Variants in UBE2G2 observed in about 807,000 individuals in gnomAD.
UBE2G2 encodes the protein ubiquitin-conjugating enzyme E2 G2.
Under a neutral mutation model 23.0 loss-of-function variants are expected in UBE2G2, and 10 were observed. The observed-to-expected ratio is 0.43, with a 90% CI of 0.27 to 0.74. The LOEUF is 0.74. Ranked by LOEUF, UBE2G2 falls within the 30% of genes least tolerant of loss-of-function variation. UBE2G2 has a pLI of 0.19. For synonymous variants in UBE2G2, 86 were observed against 81.3 expected (o/e 1.06, Z -0.31); for missense variants, 150 against 218.3 (o/e 0.69, Z 1.97).
Position 44,771,259 on chromosome 21 carries a change from A to C in UBE2G2, c.*118T>G. The C allele has an allele frequency of 1.2e-6, 1 of 828,338 alleles. No individual in the cohort carries two copies. 51.3% of individuals were successfully genotyped at this position (828,338 alleles called of 1,614,324 possible). On this transcript the variant is annotated 3_prime_UTR_variant, in exon 6 of 6. Coordinates refer to ENST00000345496, the MANE Select transcript of UBE2G2 (RefSeq NM_003343.6). The surrounding 1 kb of genome is among the most constrained non-coding windows in gnomAD (Gnocchi z 4.6). ...AGGTTTGAAAAAAAAAAAAGATGCC[A>C]TGGTTCTTGCAAGTCTGCCTTGTTT...
chr21:44,790,829 C>G (rs2083037330), intron 1 of UBE2G2, among the ~76,000 whole-genome samples: 2 of 152,142 alleles, frequency 1.3e-5, no homozygotes, highest in Non-Finnish European at 2.9e-5. Flanking sequence ...ATAAAGATAA[C>G]CTGAAAATGT....
chr21:44,787,020 G>GGA (rs1555962147), intron 3 of UBE2G2, among the ~76,000 whole-genome samples: 1 of 151,796 alleles, frequency 6.6e-6, no homozygotes, highest in East Asian at 1.9e-4. Flanking sequence ...TGAACCCAAG[G>GGA]GGCAGGAGTT....
intron 1 of UBE2G2, 58 bp downstream of exon 1, chr21:44,801,648 C>G: frequency 6.7e-7 from 1 of 1,492,206 alleles, no homozygotes; most frequent in Non-Finnish European, 8.9e-7. Flanking sequence ...CGCCGGACGA[C>G]GCGGGCCCGG....
rs903079102 is a variant in UBE2G2 at position 44,771,825 on chromosome 21, G to A, written c.386-336C>T. ...CTGGGCCACTGCACTTCTGGCACCCGGACAAGCTACACGGGGACCACCTGC... is the reference window on the plus strand; with the variant it reads ...CTGGGCCACTGCACTTCTGGCACCCAGACAAGCTACACGGGGACCACCTGC... On this transcript the variant is annotated intron_variant, in intron 5 of 5. Coordinates refer to ENST00000345496, the MANE Select transcript of UBE2G2 (RefSeq NM_003343.6). This position sits in a 1 kb window ranked among gnomAD's most constrained non-coding sequence, Gnocchi z 4.6. 2.6e-5 allele frequency among the ~76,000 whole-genome samples: 4 copies of A among 152,072 alleles called. No homozygotes were observed. Among genetic ancestry groups the A allele is most frequent in the Admixed American group, 6.6e-5 (1 of 15,262 alleles).
At chr21:44,797,499 G>C (rs1309261165) in intron 1 of UBE2G2, among the ~76,000 whole-genome samples, 1 of 151,830 alleles carries the variant, frequency 6.6e-6, no homozygotes, top group Admixed American at 6.6e-5. Flanking sequence ...GGCGGATCAC[G>C]AGGTCAGGAG....
chr21:44,786,107 G>A (rs1239479592), intron 3 of UBE2G2, among the ~76,000 whole-genome samples: 2 of 151,776 alleles, frequency 1.3e-5, no homozygotes, highest in Admixed American at 6.6e-5. Flanking sequence ...CACGACAGGC[G>A]CCTTCAACCT....
intron 1 of UBE2G2, among the ~76,000 whole-genome samples, chr21:44,795,496 GT>G (rs2083080308): frequency 6.6e-6 from 1 of 152,042 alleles, no homozygotes; most frequent in Admixed American, 6.5e-5. Flanking sequence ...GCTAAGCGAG[GT>G]GGCATGCAAC....
intron 1 of UBE2G2, among the ~76,000 whole-genome samples, chr21:44,793,388 G>A (rs568861420): frequency 6.6e-6 from 1 of 152,188 alleles, no homozygotes; most frequent in Non-Finnish European, 1.5e-5. Flanking sequence ...GGAGGGGAAA[G>A]GGTGGTCTAA....
intron 1 of UBE2G2, among the ~76,000 whole-genome samples, chr21:44,797,080 G>C (rs2083096285): frequency 6.6e-6 from 1 of 152,188 alleles, no homozygotes; most frequent in Non-Finnish European, 1.5e-5. Flanking sequence ...CGAAGTACTA[G>C]AAAGTGCTTG....
intron 1 of UBE2G2, among the ~76,000 whole-genome samples, chr21:44,793,883 G>A (rs1310021741): frequency 1.3e-5 from 2 of 152,108 alleles, no homozygotes; most frequent in East Asian, 3.8e-4. Flanking sequence ...AAATTAAAAA[G>A]AACTTGAGTG....
chr21:44,779,607 C>A (rs1450747292), intron 3 of UBE2G2, among the ~76,000 whole-genome samples: 3 of 152,184 alleles, frequency 2.0e-5, no homozygotes, highest in African/African-American at 7.2e-5. Flanking sequence ...CAAACACATT[C>A]CTGAAGCCCC....
chr21:44,787,109 GAAAGAA>G (rs1569298131), intron 3 of UBE2G2, among the ~76,000 whole-genome samples: 1 of 150,590 alleles, frequency 6.6e-6, no homozygotes, highest in East Asian at 1.9e-4. Flanking sequence ...AAAAAAGAAA[GAAAGAA>G]AAAGAAAAGA....
Position 44,801,478 on chromosome 21 carries a change from G to A in UBE2G2, c.43+228C>T, listed in dbSNP as rs1056141628. 1.3e-5 allele frequency: 14 copies of A among 1,110,464 alleles called. No individual in the cohort carries two copies. The Middle Eastern group carries it at 1.3e-3, about 104-fold the overall frequency. 68.8% of individuals were successfully genotyped at this position (1,110,464 alleles called of 1,614,324 possible). On this transcript the variant is annotated intron_variant, in intron 1 of 5. Transcript: ENST00000345496. Reference sequence around the variant, plus strand: ...TGTGTGTGCTCTCAACTAACACGGCGCCGGCGCTGCCTTTACTGATGCTGG... The same window carrying A: ...TGTGTGTGCTCTCAACTAACACGGCACCGGCGCTGCCTTTACTGATGCTGG...
intron 1 of UBE2G2, among the ~76,000 whole-genome samples, chr21:44,789,927 C>CA (rs1347454981): frequency 6.6e-6 from 1 of 152,040 alleles, no homozygotes; most frequent in African/African-American, 2.4e-5. Flanking sequence ...AAGGAGAAGA[C>CA]AGTCATCTGC....
At chr21:44,783,541 G>A (rs961138434) in intron 3 of UBE2G2, among the ~76,000 whole-genome samples, 3 of 152,234 alleles carry the variant, frequency 2.0e-5, no homozygotes, top group African/African-American at 7.2e-5. Flanking sequence ...AATGGAAAAG[G>A]AAGGAGCTGC....
intron 3 of UBE2G2, among the ~76,000 whole-genome samples, chr21:44,782,307 CTAAA>C (rs2082963266): frequency 6.6e-6 from 1 of 152,044 alleles, no homozygotes; most frequent in African/African-American, 2.4e-5. Context: ...TTTAAAACAC[CTAAA>C]TAAATGGAGA....
chr21:44,795,046 T>C (rs1160779343), intron 1 of UBE2G2, among the ~76,000 whole-genome samples: 2 of 151,556 alleles, frequency 1.3e-5, no homozygotes, highest in Non-Finnish European at 3.0e-5. Flanking sequence ...GGCAAACTCC[T>C]GAGGTCAGGA....
Position 44,771,542 on chromosome 21 carries a change from G to A in UBE2G2, c.386-53C>T. 6.4e-7 allele frequency: 1 copy of A among 1,554,798 alleles called. No individual in the cohort carries two copies. The highest frequency in any genetic ancestry group is 8.8e-7 in the Non-Finnish European group (1 of 1,137,210). On this transcript the variant is annotated intron_variant, in intron 5 of 5. Coordinates refer to ENST00000345496, the MANE Select transcript of UBE2G2 (RefSeq NM_003343.6). This position sits in a 1 kb window ranked among gnomAD's most constrained non-coding sequence, Gnocchi z 4.6. ...TAAAAGGGAGTCTTATACGTAAGCA[G>A]CCTGGCAAGGTCTCCCATTTATTTA...
At chr21:44,784,204 AG>A (rs1282225120) in intron 3 of UBE2G2, among the ~76,000 whole-genome samples, 1 of 151,920 alleles carries the variant, frequency 6.6e-6, no homozygotes, top group Non-Finnish European at 1.5e-5. Context: ...GAGGGGAGAA[AG>A]GAAGAGAGAG....
Sources: allele counts gnomAD v4.1 joint callset (sites outside exome capture counted in the v4.1 genomes callset), GRCh38; gene constraint gnomAD v4.1.1; non-coding constraint Gnocchi (gnomAD v3.1); transcripts MANE v1.5; gene names NCBI Gene and HGNC (gene_info 2026-07-23, HGNC 2026-07-21).